The following PTPRD variants were observed in gnomAD, a reference collection of about 807,000 sequenced individuals.
PTPRD encodes protein tyrosine phosphatase receptor type D.
A neutral mutation model predicts 214.5 loss-of-function variants in PTPRD; 34 were observed. The observed-to-expected ratio is 0.16, with a 90% CI of 0.12 to 0.21. The LOEUF (loss-of-function observed/expected upper bound fraction) is 0.21, where lower values mean the gene tolerates loss of function less well. Among genes scored for constraint, PTPRD ranks in the 10% least tolerant of loss-of-function variants. The pLI, the probability that PTPRD is intolerant of heterozygous loss-of-function variation, is 1.00. For missense variants in PTPRD, 2,545 were observed against 2,398.7 expected, an observed-to-expected ratio of 1.06 and a Z score of -1.27; for synonymous variants, 1,128 against 845.7, an observed-to-expected ratio of 1.33 and a Z score of -5.79.
intron 7 of PTPRD, among the ~76,000 whole-genome samples, chr9:9,684,151 T>G (rs1165467128): frequency 6.6e-6 from 1 of 151,664 alleles, no homozygotes; most frequent in African/African-American, 2.4e-5. Context: ...AAGATCATAT[T>G]AGACATGCTT....
chr9:9,573,175 G>A (rs937656138), intron 8 of PTPRD, among the ~76,000 whole-genome samples: 1 of 151,540 alleles, frequency 6.6e-6, no homozygotes, highest in Admixed American at 6.6e-5. Flanking sequence ...ATGAAAATGA[G>A]CAATTTACCA....
intron 9 of PTPRD, among the ~76,000 whole-genome samples, chr9:9,222,286 G>C (rs913154007): frequency 2.0e-5 from 3 of 151,834 alleles, no homozygotes; most frequent in Non-Finnish European, 4.4e-5. Context: ...CTGAAACTTT[G>C]GTTAATTGTA....
intron 36 of PTPRD, among the ~76,000 whole-genome samples, chr9:8,400,713 AT>A (rs1165769411): frequency 6.6e-6 from 1 of 152,168 alleles, no homozygotes; most frequent in Non-Finnish European, 1.5e-5. Flanking sequence ...AGCAAGTTAT[AT>A]TATTTATATT....
At chr9:10,264,037 T>C (rs2093882851) in intron 3 of PTPRD, among the ~76,000 whole-genome samples, 1 of 152,014 alleles carries the variant, frequency 6.6e-6, no homozygotes, top group Non-Finnish European at 1.5e-5. Flanking sequence ...AGCCTGCGAG[T>C]GCACAGAAGT....
intron 2 of PTPRD, among the ~76,000 whole-genome samples, chr9:10,429,592 C>T (rs573438637): frequency 6.6e-6 from 1 of 151,872 alleles, no homozygotes; most frequent in African/African-American, 2.4e-5. Context: ...GAAAAAATAT[C>T]GCATGTTCTC....
chr9:8,415,552 T>C (rs2093869045), intron 35 of PTPRD, among the ~76,000 whole-genome samples: 1 of 133,528 alleles, frequency 7.5e-6, no homozygotes, highest in Non-Finnish European at 1.6e-5. Flanking sequence ...TTTAATGCTT[T>C]GGAAGTAAAA....
intron 2 of PTPRD, among the ~76,000 whole-genome samples, chr9:10,364,270 G>A (rs995189108): frequency 6.6e-6 from 1 of 151,900 alleles, no homozygotes; most frequent in Admixed American, 6.6e-5. Flanking sequence ...CAAAGTGCTG[G>A]GATTACAGGC....
At chr9:8,335,559 A>G (rs892602159) in intron 43 of PTPRD, among the ~76,000 whole-genome samples, 13 of 152,220 alleles carry the variant, frequency 8.5e-5, no homozygotes, top group Non-Finnish European at 1.9e-4. Flanking sequence ...AAAAACTGGA[A>G]GCATTCCCTT....
chr9:10,160,721 G>C (rs940829999), intron 3 of PTPRD, among the ~76,000 whole-genome samples: 5 of 151,852 alleles, frequency 3.3e-5, no homozygotes, highest in African/African-American at 1.2e-4. Context: ...GGAAGCCCTA[G>C]CCACAGAAAT....
At chr9:9,300,224 T>A (rs1176640527) in intron 9 of PTPRD, among the ~76,000 whole-genome samples, 1 of 151,304 alleles carries the variant, frequency 6.6e-6, no homozygotes, top group African/African-American at 2.4e-5. Flanking sequence ...GTACTTGGGA[T>A]AAAATTCAAG....
intron 2 of PTPRD, among the ~76,000 whole-genome samples, chr9:10,507,918 G>A (rs1167990713): frequency 6.6e-6 from 1 of 152,136 alleles, no homozygotes; most frequent in Non-Finnish European, 1.5e-5. Flanking sequence ...AACACCAAAA[G>A]CAATGGCAAC....
intron 11 of PTPRD, among the ~76,000 whole-genome samples, chr9:8,782,605 T>G (rs926574633): frequency 6.6e-6 from 1 of 150,782 alleles, no homozygotes; most frequent in Non-Finnish European, 1.5e-5. Context: ...GCTTTTTTTT[T>G]TTTTTTTTTT....
rs1408639952 is a variant in PTPRD, at chr9:9,333,505, TA to T, written c.-203+63943del. On this transcript the variant is annotated intron_variant, in intron 9 of 45. Transcript: ENST00000381196. The stretch of plus-strand genomic sequence containing the variant: ...AAAACATATATATTATATAGTATAT[TA>T]TATATATATATATATATATAAAGTC... Among the ~76,000 whole-genome samples the T allele has an allele frequency of 3.3e-4, 12 of 35,828 alleles. 1 individual carries two copies. The highest frequency in any genetic ancestry group is 1.2e-3 in the African/African-American group (8 of 6,646). The allele number at this position is 35,828 out of a possible 152,430, so 23.5% of individuals were successfully genotyped here.
intron 12 of PTPRD, among the ~76,000 whole-genome samples, chr9:8,697,415 T>A (rs546945462): frequency 1.1e-3 from 150 of 135,944 alleles, no homozygotes; most frequent in Non-Finnish European, 2.0e-3. Context: ...TATTTTTATG[T>A]ACTTTTTTTT....
intron 14 of PTPRD, among the ~76,000 whole-genome samples, chr9:8,560,411 T>C (rs956059003): frequency 2.0e-5 from 3 of 148,474 alleles, no homozygotes; most frequent in Non-Finnish European, 3.0e-5. Context: ...GCAAGTCAAA[T>C]GATCAGTACC....
At chr9:9,773,692 G>T (rs533946585) in intron 5 of PTPRD, among the ~76,000 whole-genome samples, 1 of 152,098 alleles carries the variant, frequency 6.6e-6, no homozygotes, top group Non-Finnish European at 1.5e-5. Context: ...AATAAAGAAA[G>T]CATTGTAAAA....
At chr9:9,714,922 T>G (rs1021215745) in intron 7 of PTPRD, among the ~76,000 whole-genome samples, 5 of 152,200 alleles carry the variant, frequency 3.3e-5, no homozygotes, top group Admixed American at 3.3e-4. Flanking sequence ...GAGGAAGAAT[T>G]AAAATATTTA....
At chr9:8,644,817 T>A (rs1326466890) in intron 12 of PTPRD, among the ~76,000 whole-genome samples, 1 of 152,166 alleles carries the variant, frequency 6.6e-6, no homozygotes, top group Admixed American at 6.5e-5. Context: ...CCCTTGCCAT[T>A]CCATGCCTGA....
chr9:9,234,012 C>A (rs116643266), intron 9 of PTPRD, among the ~76,000 whole-genome samples: 1 of 152,078 alleles, frequency 6.6e-6, no homozygotes, highest in African/African-American at 2.4e-5. Context: ...AGGTAGTGCC[C>A]CGGTGGGGAC....
Sources: allele counts gnomAD v4.1 joint callset (sites outside exome capture counted in the v4.1 genomes callset), GRCh38; gene constraint gnomAD v4.1.1; transcripts MANE v1.5; gene names NCBI Gene and HGNC (gene_info 2026-07-23, HGNC 2026-07-21).